The following BHLHE40 variants were observed in gnomAD, a reference collection of about 807,000 sequenced individuals.
BHLHE40 encodes basic helix-loop-helix family member e40.
In BHLHE40, 3 loss-of-function variants were observed where a neutral mutation model predicts 35.7. The observed-to-expected ratio is 0.08, with a 90% CI of 0.04 to 0.22. BHLHE40 has a LOEUF of 0.22. Ranked by LOEUF, BHLHE40 falls within the 10% of genes least tolerant of loss-of-function variation. BHLHE40 has a pLI of 1.00. For missense variants in BHLHE40, 486 were observed against 524.0 expected (o/e 0.93, Z 0.71); for synonymous variants, 236 against 213.0 (o/e 1.11, Z -0.94).
At position 4,983,862 on chromosome 3, in the gene BHLHE40, G is replaced by T. The variant is rs13070453; in HGVS notation, c.*170G>T. 5 of 744,318 alleles carry T rather than the reference G, an allele frequency of 6.7e-6. No homozygotes were observed. The Admixed American group carries it at 1.4e-4, about 21-fold the overall frequency. 46.1% of individuals were successfully genotyped at this position (744,318 alleles called of 1,614,324 possible). On this transcript the variant is annotated 3_prime_UTR_variant, in exon 5 of 5. Transcript: ENST00000256495. This position sits in a 1 kb window ranked among gnomAD's most constrained non-coding sequence, Gnocchi z 5.0. ...TGTGTGTGTGTGTGTGTGTATGTGC[G>T]TGTGCGTGCACATGTGTGCCTGCGT...
chr3:4,979,821 T>C, intron 1 of BHLHE40, 23 bp downstream of exon 1: 1 of 1,589,378 alleles, frequency 6.3e-7, no homozygotes, highest in East Asian at 2.3e-5. Context: ...TCCTTGGCCC[T>C]TCAAGCCTCA....
At chr3:4,982,379 ATTG>A (rs1303187957) in intron 4 of BHLHE40, among the ~76,000 whole-genome samples, 3 of 152,224 alleles carry the variant, frequency 2.0e-5, no homozygotes, top group Non-Finnish European at 4.4e-5. Context: ...ACTTTAGGTG[ATTG>A]TTGTTTCTTC....
At position 4,983,689 on chromosome 3, in the gene BHLHE40, CTA is replaced by C. The variant is rs766188963; in HGVS notation, c.1237_1238del (p.Ter413AsnfsTer17). 4.4e-6 allele frequency: 7 copies of C among 1,602,152 alleles called. No individual in the cohort carries two copies. The Admixed American group carries it at 1.0e-4, about 23-fold the overall frequency. On this transcript the variant is annotated frameshift_variant and stop_lost, in exon 5 of 5. Coordinates refer to ENST00000256495, the MANE Select transcript of BHLHE40 (RefSeq NM_003670.3). LOFTEE classifies it high-confidence loss of function. This position sits in a 1 kb window ranked among gnomAD's most constrained non-coding sequence, Gnocchi z 5.0. ...IPPLNLETKD[*>X] ...CCCCTTTAAACTTAGAAACCAAAGA[CTA>C]AACTCTCTAGGGGATCCTGCTGCTT... is the stretch of plus-strand genomic sequence containing the variant.
rs2106498733 is a variant in BHLHE40 at position 4,983,850 on chromosome 3, G to GTGTGTATA, written c.*165_*166insATGTGTAT. On this transcript the variant is annotated 3_prime_UTR_variant, in exon 5 of 5. Transcript: ENST00000256495. This position sits in a 1 kb window ranked among gnomAD's most constrained non-coding sequence, Gnocchi z 5.0. ...TCAGGGTGTGTGTGTGTGTGTGTGTGTGTGTATGTGCGTGTGCGTGCACAT... is the reference window on the plus strand; with the variant it reads ...TCAGGGTGTGTGTGTGTGTGTGTGTGTGTGTATATGTGTATGTGCGTGTGCGTGCACAT... The GTGTGTATA allele has an allele frequency of 2.1e-6, 2 of 957,554 alleles. No individual in the cohort carries two copies. The highest frequency in any genetic ancestry group is 1.7e-5 in the South Asian group (1 of 58,976). 59.3% of individuals were successfully genotyped at this position (957,554 alleles called of 1,614,324 possible). A position where few individuals can be genotyped will look rare whatever the true frequency, so the allele number is the denominator to read the frequency against.
At position 4,980,378 on chromosome 3, in the gene BHLHE40, G is replaced by A. The variant is rs538680448; in HGVS notation, c.228G>A (p.Lys76=). ...TTAACGAGTGCATCGCCCAGCTGAA[G>A]GATCTCCTACCCGAACATCTCAAAC... ...DRINECIAQL[K]DLLPEHLKLT... Residue 76 remains lysine, a synonymous_variant, in exon 3 of 5, where the codon AAG becomes AAA. Transcript: ENST00000256495. The A allele has an allele frequency of 1.9e-6, 3 of 1,614,038 alleles. No individual in the cohort carries two copies. Among genetic ancestry groups the A allele is most frequent in the South Asian group, 2.2e-5 (2 of 91,066 alleles).
At chr3:4,980,199 T>G (rs1287365209) in intron 2 of BHLHE40, 102 bp from the exon 3 acceptor site, 1 of 1,181,370 alleles carries the variant, frequency 8.5e-7, no homozygotes, top group East Asian at 2.4e-5. Flanking sequence ...TGGGTGCTAC[T>G]CTGCTACTCT....
In BHLHE40 at chr3:4,980,369, C is replaced by G; in HGVS notation, c.219C>G (p.Ala73=). ...GTGACCGGATTAACGAGTGCATCGC[C>G]CAGCTGAAGGATCTCCTACCCGAAC... ...KRRDRINECI[A]QLKDLLPEHL... is the part of the protein sequence containing the mutation. The change falls in exon 3 of 5, where the codon GCC becomes GCG. Residue 73 remains alanine (A), a synonymous_variant. Transcript: ENST00000256495. 6.2e-7 allele frequency: 1 copy of G among 1,614,088 alleles called. No individual in the cohort carries two copies. The highest frequency in any genetic ancestry group is 8.5e-7 in the Non-Finnish European group (1 of 1,179,986).
rs1174300338 is a variant in BHLHE40 at position 4,979,479 on chromosome 3, A to T, written c.-240A>T. On this transcript the variant is annotated 5_prime_UTR_variant, in exon 1 of 5. Transcript: ENST00000256495. ...GGCGCAGACAGACCGCGCAGGGAGC[A>T]CACACCGCCAGTCTGTGCGCTGAGT... is the stretch of plus-strand genomic sequence containing the variant. The T allele has an allele frequency of 2.1e-6, 1 of 487,748 alleles. No individual in the cohort carries two copies. Among genetic ancestry groups the T allele is most frequent in the East Asian group, 3.6e-5 (1 of 27,676 alleles). 30.2% of individuals were successfully genotyped at this position (487,748 alleles called of 1,614,324 possible).
In BHLHE40 at chr3:4,979,484, C is replaced by G; in HGVS notation, c.-235C>G. 1.7e-6 allele frequency: 1 copy of G among 586,482 alleles called. No homozygotes were observed. The highest frequency in any genetic ancestry group is 3.0e-6 in the Non-Finnish European group (1 of 329,366). 36.3% of individuals were successfully genotyped at this position (586,482 alleles called of 1,614,324 possible). A position where few individuals can be genotyped will look rare whatever the true frequency, so the allele number is the denominator to read the frequency against. ...AGACAGACCGCGCAGGGAGCACACA[C>G]CGCCAGTCTGTGCGCTGAGTCGGAG... On this transcript the variant is annotated 5_prime_UTR_variant, in exon 1 of 5. Transcript: ENST00000256495.
chr3:4,979,810 C>G lies in BHLHE40; in HGVS notation c.80+12C>G. Reference sequence around the variant, plus strand: ...GGAGACCTACCAGGGTAAGTTGGCACTCCTTGGCCCTTCAAGCCTCAACTG... The same window carrying G: ...GGAGACCTACCAGGGTAAGTTGGCAGTCCTTGGCCCTTCAAGCCTCAACTG... On this transcript the variant is annotated intron_variant, in intron 1 of 4. Coordinates refer to ENST00000256495, the MANE Select transcript of BHLHE40 (RefSeq NM_003670.3). 1 of 1,588,360 alleles carries G rather than the reference C, an allele frequency of 6.3e-7. No homozygotes were observed.
intron 3 of BHLHE40, among the ~76,000 whole-genome samples, chr3:4,980,765 T>G (rs957182160): frequency 4.6e-5 from 7 of 152,114 alleles, no homozygotes; most frequent in African/African-American, 1.7e-4. Context: ...CCCCACCTTT[T>G]TTGTTGTTGT....
chr3:4,983,829 GGTGTGTGTGTGT>G lies in BHLHE40; in HGVS notation c.*152_*163del, dbSNP rs56076357. 8.6e-6 allele frequency: 6 copies of G among 698,580 alleles called. No individual in the cohort carries two copies. Among genetic ancestry groups the G allele is most frequent in the African/African-American group, 3.6e-5 (2 of 55,182 alleles). The allele number at this position is 698,580 out of a possible 1,614,324, so 43.3% of individuals were successfully genotyped here. On this transcript the variant is annotated 3_prime_UTR_variant, in exon 5 of 5. Transcript: ENST00000256495. The surrounding 1 kb of genome is among the most constrained non-coding windows in gnomAD (Gnocchi z 5.0). ...TCTGAGGCATGGAGAGCAGATTCAG[GGTGTGTGTGTGT>G]GTGTGTGTGTGTGTATGTGCGTGTG...
In BHLHE40 at chr3:4,979,901, G is replaced by T. The variant is rs2053175827; in HGVS notation, c.81-61G>T. ...CGGGCGCACCGGGAGGTTCTTGCCC[G>T]GCAGAACGCCTGCAGCCGTGCGCAA... On this transcript the variant is annotated intron_variant, in intron 1 of 4. Transcript: ENST00000256495. 6.8e-6 allele frequency: 11 copies of T among 1,610,504 alleles called. 1 individual carries two copies. Among genetic ancestry groups the T allele is most frequent in the South Asian group, 4.4e-5 (4 of 90,968 alleles).
Position 4,980,380 on chromosome 3 carries a change from A to T in BHLHE40, c.230A>T (p.Asp77Val). ...AACGAGTGCATCGCCCAGCTGAAGGATCTCCTACCCGAACATCTCAAACTT... is the reference window on the plus strand; with the variant it reads ...AACGAGTGCATCGCCCAGCTGAAGGTTCTCCTACCCGAACATCTCAAACTT... ...RINECIAQLK[D>V]LLPEHLKLTT... Residue 77 changes from aspartate to valine, a missense_variant, in exon 3 of 5, where the codon GAT (aspartate) becomes GTT (valine). Asp to Val is a radical substitution (Grantham distance 152). Coordinates refer to ENST00000256495, the MANE Select transcript of BHLHE40 (RefSeq NM_003670.3). The T allele has an allele frequency of 1.2e-6, 2 of 1,613,982 alleles. No individual in the cohort carries two copies. The highest frequency in any genetic ancestry group is 1.7e-6 in the Non-Finnish European group (2 of 1,179,932).
At chr3:4,980,504 A>C in intron 3 of BHLHE40, 96 bp downstream of exon 3, 1 of 1,006,330 alleles carries the variant, frequency 9.9e-7, no homozygotes. Context: ...ACTGCAGACC[A>C]GACTGGCGGA....
Position 4,979,797 on chromosome 3 carries a change from G to A in BHLHE40, c.79G>A (p.Gly27Arg). The change falls in exon 1 of 5, where the codon GGG (glycine) becomes AGG (arginine). Residue 27 changes from glycine (G) to arginine (R), a missense_variant and splice_region_variant. Physicochemically the swap from Gly to Arg is moderately radical, Grantham distance 125. Transcript: ENST00000256495. ...GGGACTGGAGCACGGAGACCTACCAGGGTAAGTTGGCACTCCTTGGCCCTT... is the reference window on the plus strand; with the variant it reads ...GGGACTGGAGCACGGAGACCTACCAAGGTAAGTTGGCACTCCTTGGCCCTT... ...APGLEHGDLP[G>R]MYPAHMYQVY... The A allele has an allele frequency of 6.3e-7, 1 of 1,589,576 alleles. No individual in the cohort carries two copies. The highest frequency in any genetic ancestry group is 8.6e-7 in the Non-Finnish European group (1 of 1,167,982).
intron 4 of BHLHE40, 52 bp downstream of exon 4, chr3:4,981,567 G>C: frequency 3.8e-6 from 6 of 1,594,108 alleles, no homozygotes; most frequent in Non-Finnish European, 5.1e-6. Context: ...TGCAAATAGA[G>C]AGCCCGTGGG....
In BHLHE40 at chr3:4,983,829, GGTGT is replaced by G. The variant is rs56076357; in HGVS notation, c.*160_*163del. ...TCTGAGGCATGGAGAGCAGATTCAG[GGTGT>G]GTGTGTGTGTGTGTGTGTGTGTATG... On this transcript the variant is annotated 3_prime_UTR_variant, in exon 5 of 5. Coordinates refer to ENST00000256495, the MANE Select transcript of BHLHE40 (RefSeq NM_003670.3). The surrounding 1 kb of genome is among the most constrained non-coding windows in gnomAD (Gnocchi z 5.0). 4.6e-4 allele frequency: 320 copies of G among 698,556 alleles called. No homozygotes were observed. In the Middle Eastern group the frequency reaches 5.4e-3, roughly 12 times the overall value. The allele number at this position is 698,556 out of a possible 1,614,324, so 43.3% of individuals were successfully genotyped here. A position where few individuals can be genotyped will look rare whatever the true frequency, so the allele number is the denominator to read the frequency against.
rs113672785 is a variant in BHLHE40, at chr3:4,983,850, G to GTGTGTATGTGTA, written c.*168_*169insTATGTGTATGTG. 2.1e-6 allele frequency: 2 copies of GTGTGTATGTGTA among 957,610 alleles called. No homozygotes were observed. Among genetic ancestry groups the GTGTGTATGTGTA allele is most frequent in the Admixed American group, 2.8e-5 (1 of 35,678 alleles). 59.3% of individuals were successfully genotyped at this position (957,610 alleles called of 1,614,324 possible). A position where few individuals can be genotyped will look rare whatever the true frequency, so the allele number is the denominator to read the frequency against. ...TCAGGGTGTGTGTGTGTGTGTGTGTGTGTGTATGTGCGTGTGCGTGCACAT... is the reference window on the plus strand; with the variant it reads ...TCAGGGTGTGTGTGTGTGTGTGTGTGTGTGTATGTGTATGTGTATGTGCGTGTGCGTGCACAT... On this transcript the variant is annotated 3_prime_UTR_variant, in exon 5 of 5. Coordinates refer to ENST00000256495, the MANE Select transcript of BHLHE40 (RefSeq NM_003670.3). This position sits in a 1 kb window ranked among gnomAD's most constrained non-coding sequence, Gnocchi z 5.0.
Sources: allele counts gnomAD v4.1 joint callset (sites outside exome capture counted in the v4.1 genomes callset), GRCh38; gene constraint gnomAD v4.1.1; non-coding constraint Gnocchi (gnomAD v3.1); transcripts MANE v1.5; gene names NCBI Gene and HGNC (gene_info 2026-07-23, HGNC 2026-07-21).